GABRB1: variants seen among roughly 807,000 people sequenced by gnomAD.
GABRB1 encodes gamma-aminobutyric acid receptor subunit beta-1.
A neutral mutation model predicts 51.6 loss-of-function variants in GABRB1; 17 were observed. The observed-to-expected ratio is 0.33, with a 90% CI of 0.23 to 0.49. The LOEUF (loss-of-function observed/expected upper bound fraction) is 0.49. Among genes scored for constraint, GABRB1 ranks in the 20% least tolerant of loss-of-function variants. The pLI is 0.99. For synonymous variants in GABRB1, 247 were observed against 218.9 expected, an observed-to-expected ratio of 1.13 and a Z score of -1.14; for missense variants, 410 against 600.6, an observed-to-expected ratio of 0.68 and a Z score of 3.32.
chr4:47,264,328 GA>G (rs1275980579), intron 4 of GABRB1, among the ~76,000 whole-genome samples: 1 of 152,114 alleles, frequency 6.6e-6, no homozygotes, highest in Non-Finnish European at 1.5e-5. Flanking sequence ...TTTATATGCT[GA>G]AAAAATAAAC....
intron 5 of GABRB1, among the ~76,000 whole-genome samples, chr4:47,393,466 C>A (rs1430995701): frequency 6.6e-6 from 1 of 151,974 alleles, no homozygotes; most frequent in Admixed American, 6.6e-5. Flanking sequence ...AGTCTACCTA[C>A]AGCTCTCCCT....
chr4:47,103,946 A>G (rs987413048), intron 3 of GABRB1, among the ~76,000 whole-genome samples: 2 of 151,840 alleles, frequency 1.3e-5, no homozygotes, highest in African/African-American at 2.4e-5. Flanking sequence ...AAATAAAAAT[A>G]AGAAAAAATA....
chr4:47,408,203 G>A (rs551366812), intron 8 of GABRB1, among the ~76,000 whole-genome samples: 1 of 152,314 alleles, frequency 6.6e-6, no homozygotes, highest in East Asian at 1.9e-4. Context: ...ATGACCATTT[G>A]ATCTGATACC....
intron 4 of GABRB1, among the ~76,000 whole-genome samples, chr4:47,292,997 C>A (rs1723808093): frequency 6.6e-6 from 1 of 152,176 alleles, no homozygotes; most frequent in African/African-American, 2.4e-5. Flanking sequence ...AATCATAGCA[C>A]AAACACTCTG....
intron 3 of GABRB1, among the ~76,000 whole-genome samples, chr4:47,108,082 T>G (rs568468209): frequency 6.6e-6 from 1 of 152,172 alleles, no homozygotes; most frequent in South Asian, 2.1e-4. Context: ...CCACTTCACA[T>G]GCATAGTTTG....
At chr4:47,291,750 C>T (rs1723742510) in intron 4 of GABRB1, among the ~76,000 whole-genome samples, 1 of 152,138 alleles carries the variant, frequency 6.6e-6, no homozygotes. Flanking sequence ...TTCAGACTTG[C>T]ATGGACCCTG....
chr4:47,336,265 T>G (rs1725693725), intron 5 of GABRB1, among the ~76,000 whole-genome samples: 1 of 152,246 alleles, frequency 6.6e-6, no homozygotes, highest in South Asian at 2.1e-4. Context: ...CCCATGAATC[T>G]GAACGGCATT....
In GABRB1 at chr4:47,260,247, T is replaced by C. The variant is rs558705758; in HGVS notation, c.462-59880T>C. Among the ~76,000 whole-genome samples the C allele has an allele frequency of 8.2e-3, 1,244 of 151,770 alleles. 13 individuals are homozygous for C. Among genetic ancestry groups the C allele is most frequent in the African/African-American group, 0.027 (1,120 of 41,494 alleles). ...CTGCATGTGAGATGGGTTTCCTGAATACAGCACACTGATGGGTCTTGACTC... is the reference window on the plus strand; with the variant it reads ...CTGCATGTGAGATGGGTTTCCTGAACACAGCACACTGATGGGTCTTGACTC... On this transcript the variant is annotated intron_variant, in intron 4 of 8. Transcript: ENST00000295454.
At chr4:47,160,772 A>G (rs1033604322) in intron 3 of GABRB1, among the ~76,000 whole-genome samples, 1 of 150,970 alleles carries the variant, frequency 6.6e-6, no homozygotes, top group Non-Finnish European at 1.5e-5. Flanking sequence ...TTATTTATTT[A>G]TTTATTTATT....
At chr4:47,020,005 C>G (rs143340009) in intron 1 of GABRB1, among the ~76,000 whole-genome samples, 2 of 151,532 alleles carry the variant, frequency 1.3e-5, no homozygotes, top group South Asian at 4.2e-4. Context: ...AGGCTGGTCT[C>G]GAACTCTTGG....
At chr4:47,400,400 T>C (rs1047332946) in intron 5 of GABRB1, among the ~76,000 whole-genome samples, 5 of 152,220 alleles carry the variant, frequency 3.3e-5, no homozygotes, top group African/African-American at 9.6e-5. Context: ...GGGTTCCTTA[T>C]ATGCATTGTT....
chr4:47,032,559 G>T (rs780839116), intron 3 of GABRB1, 75 bp downstream of exon 3: 4 of 1,434,928 alleles, frequency 2.8e-6, no homozygotes, highest in Non-Finnish European at 3.9e-6. Context: ...TGCCCTCTGC[G>T]TTTCATTGGC....
At chr4:47,386,955 G>C (rs1044165395) in intron 5 of GABRB1, among the ~76,000 whole-genome samples, 4 of 152,110 alleles carry the variant, frequency 2.6e-5, no homozygotes, top group Middle Eastern at 3.2e-3. Context: ...TAAACAATTA[G>C]GAAAATATTA....
intron 3 of GABRB1, among the ~76,000 whole-genome samples, chr4:47,098,930 T>A (rs1714595243): frequency 6.6e-6 from 1 of 152,106 alleles, no homozygotes; most frequent in Non-Finnish European, 1.5e-5. Flanking sequence ...GAAGATCTTA[T>A]TCCATTATTG....
intron 5 of GABRB1, among the ~76,000 whole-genome samples, chr4:47,397,502 T>A (rs1313589133): frequency 6.6e-6 from 1 of 152,216 alleles, no homozygotes; most frequent in South Asian, 2.1e-4. Flanking sequence ...GGGATCACAC[T>A]GTTGTAAGTA....
chr4:47,022,676 A>G (rs191864852), intron 1 of GABRB1, among the ~76,000 whole-genome samples: 1 of 152,234 alleles, frequency 6.6e-6, no homozygotes, highest in East Asian at 1.9e-4. Context: ...ATGTGGAGAA[A>G]AGAGAACACT....
chr4:47,347,427 G>A (rs936996862), intron 5 of GABRB1, among the ~76,000 whole-genome samples: 3 of 152,116 alleles, frequency 2.0e-5, no homozygotes, highest in African/African-American at 7.2e-5. Flanking sequence ...TTCTTGAACA[G>A]CATGCTTGCA....
intron 3 of GABRB1, among the ~76,000 whole-genome samples, chr4:47,047,697 A>G (rs903400505): frequency 3.3e-5 from 5 of 152,140 alleles, no homozygotes; most frequent in Non-Finnish European, 7.4e-5. Context: ...TAAACTTTAT[A>G]AAAGTAAGGA....
intron 5 of GABRB1, among the ~76,000 whole-genome samples, chr4:47,325,817 C>A (rs1725238716): frequency 6.6e-6 from 1 of 152,076 alleles, no homozygotes; most frequent in African/African-American, 2.4e-5. Context: ...TTTCAAAATT[C>A]TTTTTTAGTT....
Sources: gnomAD v4.1 joint callset for allele counts (sites outside exome capture counted in the v4.1 genomes callset) on GRCh38, gnomAD v4.1.1 for gene constraint, MANE v1.5 for transcripts, NCBI Gene and HGNC (gene_info 2026-07-23, HGNC 2026-07-21) for gene names.